The following DNAJC10 variants were observed in gnomAD, a reference collection of about 807,000 sequenced individuals.
DNAJC10 encodes the protein endoplasmic reticulum disulfide reductase DNAJC10.
In DNAJC10, 101 loss-of-function variants were observed where a neutral mutation model predicts 115.0. That is an observed-to-expected ratio of 0.88 (90% CI 0.75 to 1.04). DNAJC10 has a LOEUF of 1.04. DNAJC10 is among the 50% of genes least tolerant of loss of function. DNAJC10 has a pLI of 0.00. For synonymous variants in DNAJC10, 307 were observed against 301.5 expected (o/e 1.02, Z -0.19); for missense variants, 981 against 928.8 (o/e 1.06, Z -0.73).
Position 182,755,059 on chromosome 2 carries a change from G to A in DNAJC10, c.1608G>A (p.Glu536=), listed in dbSNP as rs768069685. 142 of 1,610,094 alleles carry A rather than the reference G, an allele frequency of 8.8e-5. No individual in the cohort carries two copies. The highest frequency in any genetic ancestry group is 1.1e-4 in the Non-Finnish European group (132 of 1,176,678). Residue 536 remains glutamate, a synonymous_variant, in exon 17 of 24, where the codon GAG becomes GAA. Transcript: ENST00000264065. ...TVVFNQSNIH[E]YEGHHSAEQI... Reference sequence around the variant, plus strand: ...TATTCAACCAGTCCAACATTCATGAGTATGAAGGACATCACTCTGCTGAAC... The same window carrying A: ...TATTCAACCAGTCCAACATTCATGAATATGAAGGACATCACTCTGCTGAAC...
chr2:182,770,152 C>G (rs189542562), intron 22 of DNAJC10, among the ~76,000 whole-genome samples: 1 of 152,140 alleles, frequency 6.6e-6, no homozygotes, highest in Non-Finnish European at 1.5e-5. Flanking sequence ...TCTGAGGGCT[C>G]TGTTCTGTTC....
intron 21 of DNAJC10, among the ~76,000 whole-genome samples, chr2:182,761,949 A>G (rs1694295619): frequency 6.6e-6 from 1 of 152,110 alleles, no homozygotes; most frequent in African/African-American, 2.4e-5. Context: ...AAGAGAGAGT[A>G]GTGATAAATG....
At position 182,732,548 on chromosome 2, in the gene DNAJC10, C is replaced by T; in HGVS notation, c.849+6C>T. ...TCAGGCTTAGTGGCATGTTGGTAAGCATCAATCATTTTGTAAAACTATATC... is the reference window on the plus strand; with the variant it reads ...TCAGGCTTAGTGGCATGTTGGTAAGTATCAATCATTTTGTAAAACTATATC... On this transcript the variant is annotated splice_donor_region_variant and intron_variant, in intron 10 of 23. Coordinates refer to ENST00000264065, the MANE Select transcript of DNAJC10 (RefSeq NM_018981.4). The T allele has an allele frequency of 6.2e-7, 1 of 1,612,652 alleles. No homozygotes were observed. The highest frequency in any genetic ancestry group is 1.1e-5 in the South Asian group (1 of 90,954).
chr2:182,761,892 A>T (rs1284694332), intron 21 of DNAJC10, among the ~76,000 whole-genome samples: 2 of 152,112 alleles, frequency 1.3e-5, no homozygotes, highest in Non-Finnish European at 2.9e-5. Context: ...GGTAAAGGAG[A>T]TCCTCATGCT....
intron 8 of DNAJC10, among the ~76,000 whole-genome samples, chr2:182,730,181 T>TA (rs1039871383): frequency 3.9e-5 from 6 of 152,158 alleles, no homozygotes; most frequent in Non-Finnish European, 7.4e-5. Context: ...AGGGCTACGG[T>TA]AAAAAAGGCA....
chr2:182,750,912 A>G (rs1412809204), intron 14 of DNAJC10, among the ~76,000 whole-genome samples: 1 of 152,074 alleles, frequency 6.6e-6, no homozygotes, highest in Non-Finnish European at 1.5e-5. Flanking sequence ...GCAGGACTGT[A>G]TTGTGTTTGA....
rs1359604583 is a variant in DNAJC10 at position 182,740,389 on chromosome 2, G to A, written c.1077+1G>A. 3 of 1,559,938 alleles carry A rather than the reference G, an allele frequency of 1.9e-6. No individual in the cohort carries two copies. In the Admixed American group the frequency reaches 6.2e-5, roughly 32 times the overall value. ...ACTACTTTCGGCAAACACACTAGAGGTAATGTTTTTATTAATAATGATAAG... is the reference window on the plus strand; with the variant it reads ...ACTACTTTCGGCAAACACACTAGAGATAATGTTTTTATTAATAATGATAAG... On this transcript the variant is annotated splice_donor_variant, in intron 12 of 23. Transcript: ENST00000264065. LOFTEE classifies it high-confidence loss of function.
intron 22 of DNAJC10, among the ~76,000 whole-genome samples, chr2:182,773,809 G>A (rs903302921): frequency 3.3e-5 from 5 of 152,130 alleles, no homozygotes; most frequent in African/African-American, 7.2e-5. Flanking sequence ...TGTTATTACC[G>A]ACCTTCTGAA....
At chr2:182,774,755 C>T (rs772383925) in intron 22 of DNAJC10, among the ~76,000 whole-genome samples, 3 of 152,248 alleles carry the variant, frequency 2.0e-5, no homozygotes, top group East Asian at 1.9e-4. Context: ...TAGTCTGTCA[C>T]GGTTTCCCTT....
chr2:182,760,246 A>G (rs1040144502), intron 21 of DNAJC10, among the ~76,000 whole-genome samples: 1 of 152,146 alleles, frequency 6.6e-6, no homozygotes, highest in African/African-American at 2.4e-5. Context: ...CTCAGCTCCG[A>G]TGGCACTGCT....
chr2:182,740,917 G>GA (rs1693717455), intron 12 of DNAJC10, among the ~76,000 whole-genome samples: 2 of 152,136 alleles, frequency 1.3e-5, no homozygotes, highest in South Asian at 4.2e-4. Context: ...ATCACTACGA[G>GA]ATCTTATGTG....
At chr2:182,756,259 A>G in intron 17 of DNAJC10, 55 bp from the exon 18 acceptor site, 1 of 1,404,978 alleles carries the variant, frequency 7.1e-7, no homozygotes, top group Non-Finnish European at 9.5e-7. Context: ...TGCCAGGAAT[A>G]TATGAACAGC....
chr2:182,739,496 C>T, intron 11 of DNAJC10: 2 of 1,171,712 alleles, frequency 1.7e-6, no homozygotes, highest in Non-Finnish European at 2.2e-6. Flanking sequence ...TGTCAACTTT[C>T]ATATACATTT....
In DNAJC10 at chr2:182,757,672, ATC is replaced by A; in HGVS notation, c.1810-18_1810-17del. On this transcript the variant is annotated intron_variant, in intron 18 of 23. Coordinates refer to ENST00000264065, the MANE Select transcript of DNAJC10 (RefSeq NM_018981.4). The stretch of plus-strand genomic sequence containing the variant: ...ACATATGTAAAAAGTTATGGAGGTA[ATC>A]TGTTTTTTCTTTTACAGACATTAAC... 1 of 1,486,700 alleles carries A rather than the reference ATC, an allele frequency of 6.7e-7. No homozygotes were observed. The highest frequency in any genetic ancestry group is 9.0e-7 in the Non-Finnish European group (1 of 1,116,910). The allele number at this position is 1,486,700 out of a possible 1,614,324, so 92.1% of individuals were successfully genotyped here. A position where few individuals can be genotyped will look rare whatever the true frequency, so the allele number is the denominator to read the frequency against.
Position 182,790,929 on chromosome 2 carries a change from A to C in DNAJC10, c.*13797A>C, listed in dbSNP as rs1695038547. The stretch of plus-strand genomic sequence containing the variant: ...TTTGCTTTATTCTCTTATTTCTTCC[A>C]AGTAACCATATTCTCTTTTACCCTC... On this transcript the variant is annotated 3_prime_UTR_variant, in exon 24 of 24. Transcript: ENST00000264065. 6.6e-6 allele frequency: 1 copy of C among 152,000 alleles called. No homozygotes were observed. The highest frequency in any genetic ancestry group is 1.5e-5 in the Non-Finnish European group (1 of 67,998). The allele number at this position is 152,000 out of a possible 1,614,324, so 9.4% of individuals were successfully genotyped here. A position where few individuals can be genotyped will look rare whatever the true frequency, so the allele number is the denominator to read the frequency against.
At chr2:182,739,555 G>A (rs1327562368) in intron 11 of DNAJC10, 4 of 1,220,478 alleles carry the variant, frequency 3.3e-6, no homozygotes, top group Non-Finnish European at 4.2e-6. Flanking sequence ...CTGCTTCATT[G>A]AGAGAATCAG....
In DNAJC10 at chr2:182,790,530, A is replaced by T. The variant is rs923908042; in HGVS notation, c.*13398A>T. On this transcript the variant is annotated 3_prime_UTR_variant, in exon 24 of 24. Coordinates refer to ENST00000264065, the MANE Select transcript of DNAJC10 (RefSeq NM_018981.4). ...GCCAGGCACAGTGGCTCACACCTGA[A>T]ATCCCAGCGCTTTGGGAGGCCGAGG... 1 of 152,190 alleles carries T rather than the reference A, an allele frequency of 6.6e-6. No individual in the cohort carries two copies. The highest frequency in any genetic ancestry group is 1.5e-5 in the Non-Finnish European group (1 of 68,042). 9.4% of individuals were successfully genotyped at this position (152,190 alleles called of 1,614,324 possible).
intron 14 of DNAJC10, among the ~76,000 whole-genome samples, chr2:182,749,892 C>CT (rs1363313615): frequency 6.6e-6 from 1 of 152,096 alleles, no homozygotes; most frequent in Non-Finnish European, 1.5e-5. Context: ...TATGCAAGGG[C>CT]TGTGGTCATC....
chr2:182,739,615 T>C (rs1200309151), intron 11 of DNAJC10: 3 of 1,148,126 alleles, frequency 2.6e-6, no homozygotes, highest in Admixed American at 3.5e-5. Context: ...GGATAAAATA[T>C]TGACAAATAA....
Sources: gnomAD v4.1 joint callset for allele counts (sites outside exome capture counted in the v4.1 genomes callset) on GRCh38, gnomAD v4.1.1 for gene constraint, MANE v1.5 for transcripts, NCBI Gene and HGNC (gene_info 2026-07-23, HGNC 2026-07-21) for gene names.